FANCI: variants seen among roughly 807,000 people sequenced by gnomAD.
FANCI encodes the protein FA complementation group I.
In FANCI, 156 loss-of-function variants were observed where a neutral mutation model predicts 176.1. The observed-to-expected ratio is 0.89, with a 90% CI of 0.78 to 1.01. The LOEUF (loss-of-function observed/expected upper bound fraction) is 1.01, where lower values mean the gene tolerates loss of function less well. Ranked by LOEUF, FANCI falls within the 50% of genes least tolerant of loss-of-function variation. The pLI, the probability that FANCI is intolerant of heterozygous loss-of-function variation, is 0.00. For synonymous variants in FANCI, 613 were observed against 541.7 expected, an observed-to-expected ratio of 1.13 and a Z score of -1.83; for missense variants, 1,678 against 1,534.1, an observed-to-expected ratio of 1.09 and a Z score of -1.57.
chr15:89,246,622 C>G (rs985257089), intron 1 of FANCI, among the ~76,000 whole-genome samples: 1 of 152,132 alleles, frequency 6.6e-6, no homozygotes, highest in African/African-American at 2.4e-5. Flanking sequence ...ATGTATACAA[C>G]CTGGTTGTCT....
chr15:89,290,150 T>G, intron 18 of FANCI, 63 bp from the exon 19 acceptor site: 1 of 1,283,226 alleles, frequency 7.8e-7, no homozygotes, highest in Non-Finnish European at 1.1e-6. Context: ...TTTTAAGTTA[T>G]GATTGTCCAG....
At chr15:89,254,555 T>C (rs1330181112) in intron 2 of FANCI, among the ~76,000 whole-genome samples, 1 of 152,020 alleles carries the variant, frequency 6.6e-6, no homozygotes, top group Non-Finnish European at 1.5e-5. Context: ...AATAAATAAA[T>C]TACTTTGGGA....
intron 17 of FANCI, among the ~76,000 whole-genome samples, chr15:89,284,057 G>A (rs1400177867): frequency 1.3e-5 from 2 of 151,924 alleles, no homozygotes; most frequent in East Asian, 1.9e-4. Flanking sequence ...CACCACACCC[G>A]GCCCATATTA....
At chr15:89,264,775 T>C (rs533576138) in intron 9 of FANCI, 168 bp downstream of exon 9, 2 of 554,998 alleles carry the variant, frequency 3.6e-6, no homozygotes, top group South Asian at 3.8e-5. Context: ...CATGATCTCT[T>C]CAGCTCTTTC....
Position 89,281,785 on chromosome 15 carries a change from G to A in FANCI, c.1533G>A (p.Met511Ile). The change falls in exon 16 of 38, where the codon ATG becomes ATA. Residue 511 changes from methionine (M) to isoleucine (I), a missense_variant. Coordinates refer to ENST00000310775, the MANE Select transcript of FANCI (RefSeq NM_001113378.2). ...KAVQPLLKVS[M>I]SMRDCLILVL... The stretch of plus-strand genomic sequence containing the variant: ...TTCAGCCCCTTCTCAAAGTCAGCAT[G>A]TCAATGAGAGACTGCTTGATACTTG... 6.2e-7 allele frequency: 1 copy of A among 1,613,916 alleles called. No individual in the cohort carries two copies. Among genetic ancestry groups the A allele is most frequent in the Non-Finnish European group, 8.5e-7 (1 of 1,179,916 alleles).
At chr15:89,254,667 G>A (rs1013442273) in intron 2 of FANCI, among the ~76,000 whole-genome samples, 1 of 152,246 alleles carries the variant, frequency 6.6e-6, no homozygotes, top group South Asian at 2.1e-4. Flanking sequence ...AAATTAGCAT[G>A]GCATATCAGC....
chr15:89,275,681 T>A (rs2053383760), intron 12 of FANCI, among the ~76,000 whole-genome samples: 1 of 152,232 alleles, frequency 6.6e-6, no homozygotes, highest in Non-Finnish European at 1.5e-5. Flanking sequence ...CTCCAGTATT[T>A]TCCCAACCCA....
intron 17 of FANCI, among the ~76,000 whole-genome samples, chr15:89,283,477 C>G (rs1017728582): frequency 1.3e-5 from 2 of 152,154 alleles, no homozygotes; most frequent in African/African-American, 4.8e-5. Context: ...ATGGTAGCCA[C>G]TGTCCTCAGT....
Position 89,315,977 on chromosome 15 carries a change from G to T in FANCI, c.3925-420G>T, listed in dbSNP as rs142694381. ...GTAGCCCACTCCCATTTCAAAACTG[G>T]AAGTTTACATACAAGTGCCCTGGAT... On this transcript the variant is annotated intron_variant, in intron 37 of 37. Transcript: ENST00000310775. 3.0e-4 allele frequency among the ~76,000 whole-genome samples: 46 copies of T among 152,260 alleles called. 1 individual carries two copies. The highest frequency in any genetic ancestry group is 1.1e-3 in the African/African-American group (45 of 41,550).
chr15:89,312,322 C>T (rs1422872288), intron 34 of FANCI, among the ~76,000 whole-genome samples: 1 of 152,214 alleles, frequency 6.6e-6, no homozygotes, highest in East Asian at 1.9e-4. Flanking sequence ...TTGGCTGACC[C>T]ACTGCAGTAA....
intron 28 of FANCI, 88 bp downstream of exon 28, chr15:89,304,003 C>G (rs2054619872): frequency 1.6e-6 from 2 of 1,268,700 alleles, no homozygotes; most frequent in Non-Finnish European, 1.1e-6. Flanking sequence ...ATTCCCCATT[C>G]ATTACACATT....
chr15:89,258,589 T>C (rs1395528798), intron 2 of FANCI, 115 bp from the exon 3 acceptor site: 8 of 808,096 alleles, frequency 9.9e-6, no homozygotes, highest in Admixed American at 7.0e-5. Context: ...TTTGTAATAC[T>C]TGGCGTCTCT....
rs546385266 is a variant in FANCI, at chr15:89,256,999, C to T, written c.85-1705C>T. 5.3e-5 allele frequency among the ~76,000 whole-genome samples: 8 copies of T among 152,260 alleles called. No homozygotes were observed. The East Asian group carries it at 5.8e-4, about 11-fold the overall frequency. On this transcript the variant is annotated intron_variant, in intron 2 of 37. Transcript: ENST00000310775. ...TCGGCTCACTGCAAGCTCCGCTTCC[C>T]GGGTTCATGCCATTCTCCTGCCTCA...
Position 89,312,979 on chromosome 15 carries a change from T to A in FANCI, c.3720+7T>A. 1 of 1,613,748 alleles carries A rather than the reference T, an allele frequency of 6.2e-7. No homozygotes were observed. The highest frequency in any genetic ancestry group is 8.5e-7 in the Non-Finnish European group (1 of 1,179,720). On this transcript the variant is annotated splice_region_variant and intron_variant, in intron 35 of 37. Transcript: ENST00000310775. The stretch of plus-strand genomic sequence containing the variant: ...TGCCGTTGCCACAGCCATGGTAAGC[T>A]GCTGACACTGACCGTTAAAATATGC...
At chr15:89,257,611 G>A (rs1453877763) in intron 2 of FANCI, among the ~76,000 whole-genome samples, 1 of 152,126 alleles carries the variant, frequency 6.6e-6, no homozygotes, top group Non-Finnish European at 1.5e-5. Flanking sequence ...AAGGGCATTA[G>A]TCTTTGGATT....
chr15:89,249,915 T>C (rs1295106123), intron 2 of FANCI, among the ~76,000 whole-genome samples: 1 of 152,212 alleles, frequency 6.6e-6, no homozygotes, highest in African/African-American at 2.4e-5. Context: ...ATTATCTTCT[T>C]AAACACATAG....
chr15:89,258,070 T>TG (rs2052572168), intron 2 of FANCI, among the ~76,000 whole-genome samples: 1 of 131,906 alleles, frequency 7.6e-6, no homozygotes, highest in East Asian at 2.0e-4. Flanking sequence ...GCCATGTTGA[T>TG]TTTTTTTTTT....
chr15:89,250,101 T>C (rs971390388), intron 2 of FANCI, among the ~76,000 whole-genome samples: 1 of 152,162 alleles, frequency 6.6e-6, no homozygotes, highest in African/African-American at 2.4e-5. Context: ...GAAATTAAAA[T>C]ACCTTCTATT....
chr15:89,298,524 A>G (rs1416430235), intron 24 of FANCI, among the ~76,000 whole-genome samples: 1 of 152,248 alleles, frequency 6.6e-6, no homozygotes, highest in Non-Finnish European at 1.5e-5. Context: ...TAAAAATCTC[A>G]GATCTCCCAT....
Sources: allele counts gnomAD v4.1 joint callset (sites outside exome capture counted in the v4.1 genomes callset), GRCh38; gene constraint gnomAD v4.1.1; transcripts MANE v1.5; gene names NCBI Gene and HGNC (gene_info 2026-07-23, HGNC 2026-07-21).